HTR6: variants seen among roughly 807,000 people sequenced by gnomAD.
HTR6 encodes the protein 5-hydroxytryptamine receptor 6, also known as 5-hydroxytryptamine (serotonin) receptor 6, G protein-coupled.
HTR6 carries 15 observed loss-of-function variants against 17.4 expected under a neutral mutation model. The ratio of observed to expected loss-of-function variants is 0.86; its 90% CI spans 0.58 to 1.33. The LOEUF (loss-of-function observed/expected upper bound fraction) is 1.33, where lower values mean the gene tolerates loss of function less well. Ranked by LOEUF, HTR6 falls within the 40% of genes most tolerant of loss-of-function variation. The pLI, the probability that HTR6 is intolerant of heterozygous loss-of-function variation, is 0.00. For missense variants in HTR6, 578 were observed against 616.0 expected (o/e 0.94, Z 0.65); for synonymous variants, 326 against 295.5 (o/e 1.10, Z -1.06).
chr1:19,673,188 G>A (rs555790600), intron 1 of HTR6, among the ~76,000 whole-genome samples: 2 of 152,310 alleles, frequency 1.3e-5, no homozygotes, highest in Admixed American at 6.5e-5. Context: ...CTATGTGCTG[G>A]CACTGTTCTA....
rs200451070 is a variant in HTR6, at chr1:19,678,522, C to T, written c.715-45C>T. ...GTCTGTGGCTAGGATCAGGGTCAGA[C>T]GGGGGCCCTTTCTCAACGGACTCAT... On this transcript the variant is annotated intron_variant, in intron 1 of 2. Transcript: ENST00000289753. 1.4e-4 allele frequency: 227 copies of T among 1,609,310 alleles called. 1 individual carries two copies. Among genetic ancestry groups the T allele is most frequent in the Middle Eastern group, 1.4e-3 (6 of 4,436 alleles).
chr1:19,677,008 T>C (rs1212669668), intron 1 of HTR6, among the ~76,000 whole-genome samples: 1 of 152,150 alleles, frequency 6.6e-6, no homozygotes, highest in Admixed American at 6.5e-5. Context: ...TTTGTGTAAA[T>C]CTAATATATG....
chr1:19,676,872 G>GA (rs1314262139), intron 1 of HTR6, among the ~76,000 whole-genome samples: 1 of 152,218 alleles, frequency 6.6e-6, no homozygotes, highest in South Asian at 2.1e-4. Context: ...CCAGTGCCGG[G>GA]AAAATCCCTG....
At position 19,680,566 on chromosome 1, in the gene HTR6, C is replaced by A. The variant is rs2095100964; in HGVS notation, c.*1198C>A. The stretch of plus-strand genomic sequence containing the variant: ...GGGGATAAACCCAGCCCCTTGCCCA[C>A]CTGCCTCTGGCCTTCCCTGGGGTCA... On this transcript the variant is annotated 3_prime_UTR_variant, in exon 3 of 3. Transcript: ENST00000289753. 6.6e-6 allele frequency among the ~76,000 whole-genome samples: 1 copy of A among 152,244 alleles called. No individual in the cohort carries two copies.
Position 19,679,572 on chromosome 1 carries a change from C to CT in HTR6, c.*205dup, listed in dbSNP as rs1275302272. 4.3e-6 allele frequency: 3 copies of CT among 690,938 alleles called. No homozygotes were observed. The Admixed American group carries it at 9.2e-5, about 21-fold the overall frequency. 42.8% of individuals were successfully genotyped at this position (690,938 alleles called of 1,614,324 possible). A position where few individuals can be genotyped will look rare whatever the true frequency, so the allele number is the denominator to read the frequency against. On this transcript the variant is annotated 3_prime_UTR_variant, in exon 3 of 3. Coordinates refer to ENST00000289753, the MANE Select transcript of HTR6 (RefSeq NM_000871.3). This position sits in a 1 kb window ranked among gnomAD's most constrained non-coding sequence, Gnocchi z 4.9. ...TCATAGCTGACTCAGATATCGTGTT[C>CT]TGAAGGATGCTCCACTGTTGAGTGT... is the stretch of plus-strand genomic sequence containing the variant.
At position 19,679,819 on chromosome 1, in the gene HTR6, T is replaced by G. The variant is rs1030282433; in HGVS notation, c.*451T>G. On this transcript the variant is annotated 3_prime_UTR_variant, in exon 3 of 3. Transcript: ENST00000289753. This position sits in a 1 kb window ranked among gnomAD's most constrained non-coding sequence, Gnocchi z 4.9. ...GGCATTGCCGTCACCTTTGGGAGTT[T>G]GTGAAAAATGCACATCTCTGCCCCT... is the stretch of plus-strand genomic sequence containing the variant. 7.9e-5 allele frequency among the ~76,000 whole-genome samples: 12 copies of G among 152,214 alleles called. No individual in the cohort carries two copies. The highest frequency in any genetic ancestry group is 1.9e-4 in the African/African-American group (8 of 41,452).
rs199755130 is a variant in HTR6 at position 19,679,215 on chromosome 1, G to A, written c.1170G>A (p.Ser390=). ...CAGACGCAGGCTCAGGCGGCTCCTC[G>A]GGCCTGCGGCTCACGGCCCAGCTGC... The part of the protein sequence containing the change: ...SDSDAGSGGS[S]GLRLTAQLLL... The change falls in exon 3 of 3, where the codon TCG becomes TCA. Residue 390 remains serine, a synonymous_variant. Coordinates refer to ENST00000289753, the MANE Select transcript of HTR6 (RefSeq NM_000871.3). The surrounding 1 kb of genome is among the most constrained non-coding windows in gnomAD (Gnocchi z 4.9). The A allele has an allele frequency of 2.0e-4, 310 of 1,568,276 alleles. 2 individuals carry two copies. The highest frequency in any genetic ancestry group is 1.5e-3 in the African/African-American group (112 of 73,672).
At chr1:19,669,256 T>C (rs537633644) in intron 1 of HTR6, among the ~76,000 whole-genome samples, 1 of 152,108 alleles carries the variant, frequency 6.6e-6, no homozygotes, top group African/African-American at 2.4e-5. Flanking sequence ...GGTACTAGGA[T>C]TGAACCTGAG....
At chr1:19,678,025 C>A (rs931140564) in intron 1 of HTR6, among the ~76,000 whole-genome samples, 12 of 152,214 alleles carry the variant, frequency 7.9e-5, no homozygotes, top group African/African-American at 2.9e-4. Context: ...CAGGCGTGAG[C>A]CACTGTGCCC....
In HTR6 at chr1:19,666,050, C is replaced by A; in HGVS notation, c.297C>A (p.Cys99Ter). Residue 99 changes from cysteine (C) to a stop codon, truncating the protein, a stop_gained, in exon 1 of 3, where the codon TGC (cysteine) becomes TGA (stop). Coordinates refer to ENST00000289753, the MANE Select transcript of HTR6 (RefSeq NM_000871.3). LOFTEE classifies it high-confidence loss of function. The surrounding 1 kb of genome is among the most constrained non-coding windows in gnomAD (Gnocchi z 4.5). ...YGRWVLARGL[C>*]LLWTAFDVMC... ...GCTGGGTGCTGGCGCGCGGCCTCTG[C>A]CTGCTCTGGACCGCCTTCGACGTGA... 6.2e-7 allele frequency: 1 copy of A among 1,613,420 alleles called. No homozygotes were observed. The highest frequency in any genetic ancestry group is 8.5e-7 in the Non-Finnish European group (1 of 1,179,804).
At position 19,666,064 on chromosome 1, in the gene HTR6, C is replaced by T. The variant is rs1311515787; in HGVS notation, c.311C>T (p.Ala104Val). 1 of 1,613,138 alleles carries T rather than the reference C, an allele frequency of 6.2e-7. No individual in the cohort carries two copies. Among genetic ancestry groups the T allele is most frequent in the African/African-American group, 1.3e-5 (1 of 74,936 alleles). Residue 104 changes from alanine to valine, a missense_variant, in exon 1 of 3, where the codon GCC becomes GTC. Transcript: ENST00000289753. This position sits in a 1 kb window ranked among gnomAD's most constrained non-coding sequence, Gnocchi z 4.5. ...LARGLCLLWT[A>V]FDVMCCSASI... ...CGCGGCCTCTGCCTGCTCTGGACCGCCTTCGACGTGATGTGCTGCAGCGCC... is the reference window on the plus strand; with the variant it reads ...CGCGGCCTCTGCCTGCTCTGGACCGTCTTCGACGTGATGTGCTGCAGCGCC...
At chr1:19,678,163 T>A (rs572598350) in intron 1 of HTR6, among the ~76,000 whole-genome samples, 3 of 152,216 alleles carry the variant, frequency 2.0e-5, no homozygotes, top group Non-Finnish European at 4.4e-5. Flanking sequence ...CCATCTGATT[T>A]GTGTTTCAGG....
intron 1 of HTR6, among the ~76,000 whole-genome samples, chr1:19,675,947 A>G (rs905359413): frequency 1.3e-5 from 2 of 152,108 alleles, no homozygotes; most frequent in Non-Finnish European, 2.9e-5. Flanking sequence ...CTAACTTGGA[A>G]TGACTTTGGA....
chr1:19,669,610 G>A (rs940802376), intron 1 of HTR6, among the ~76,000 whole-genome samples: 1 of 152,116 alleles, frequency 6.6e-6, no homozygotes, highest in Non-Finnish European at 1.5e-5. Flanking sequence ...GTGCCTTCTG[G>A]TCTTCTCTGT....
intron 1 of HTR6, among the ~76,000 whole-genome samples, chr1:19,674,259 G>A (rs553592226): frequency 6.6e-6 from 1 of 152,250 alleles, no homozygotes; most frequent in Middle Eastern, 3.4e-3. Flanking sequence ...TAAACAAATA[G>A]GATCATGCTG....
At position 19,679,121 on chromosome 1, in the gene HTR6, GC is replaced by G. The variant is rs758952783; in HGVS notation, c.1081del (p.Arg361GlyfsTer93). The G allele has an allele frequency of 6.2e-7, 1 of 1,611,798 alleles. No homozygotes were observed. Among genetic ancestry groups the G allele is most frequent in the Non-Finnish European group, 8.5e-7 (1 of 1,179,244 alleles). On this transcript the variant is annotated frameshift_variant, in exon 3 of 3. Transcript: ENST00000289753. LOFTEE classifies it low-confidence loss of function (END_TRUNC). This position sits in a 1 kb window ranked among gnomAD's most constrained non-coding sequence, Gnocchi z 4.9. ...CCATCACTGCGCACCTCTCACAGCG[GC>G]CCCCGGCCCGGCCTTAGCCTACAGC... ...ASPSLRTSHS[G>X]PRPGLSLQQV...
At position 19,680,363 on chromosome 1, in the gene HTR6, C is replaced by T. The variant is rs1439553356; in HGVS notation, c.*995C>T. 1.3e-5 allele frequency among the ~76,000 whole-genome samples: 2 copies of T among 152,208 alleles called. No individual in the cohort carries two copies. The highest frequency in any genetic ancestry group is 2.9e-5 in the Non-Finnish European group (2 of 68,038). ...CTCCCAAAGCCTGACTCTGGTTCCC[C>T]AACTCCCTGTTCTGGCTCCTGGGTG... On this transcript the variant is annotated 3_prime_UTR_variant, in exon 3 of 3. Coordinates refer to ENST00000289753, the MANE Select transcript of HTR6 (RefSeq NM_000871.3).
chr1:19,678,528 C>G (rs753460824), intron 1 of HTR6, 39 bp from the exon 2 acceptor site: 21 of 1,610,824 alleles, frequency 1.3e-5, no homozygotes, highest in Non-Finnish European at 1.7e-5. Context: ...CAGACGGGGG[C>G]CCTTTCTCAA....
At chr1:19,669,254 G>A (rs941667356) in intron 1 of HTR6, among the ~76,000 whole-genome samples, 2 of 152,150 alleles carry the variant, frequency 1.3e-5, no homozygotes, top group Non-Finnish European at 2.9e-5. Flanking sequence ...CTGGTACTAG[G>A]ATTGAACCTG....
Sources: allele counts gnomAD v4.1 joint callset (sites outside exome capture counted in the v4.1 genomes callset), GRCh38; gene constraint gnomAD v4.1.1; non-coding constraint Gnocchi (gnomAD v3.1); transcripts MANE v1.5; gene names NCBI Gene and HGNC (gene_info 2026-07-23, HGNC 2026-07-21).